The following NEBL variants were observed in gnomAD, a reference collection of about 807,000 sequenced individuals.
NEBL encodes nebulette, also known as LIM and SH3 protein 2.
NEBL carries 122 observed loss-of-function variants against 140.2 expected under a neutral mutation model. The ratio of observed to expected loss-of-function variants is 0.87; its 90% CI spans 0.75 to 1.01. NEBL has a LOEUF of 1.01. Among genes scored for constraint, NEBL ranks in the 50% least tolerant of loss-of-function variants. The probability of loss-of-function intolerance (pLI) is 0.00; values close to 1 mark genes in which losing one functional copy is unlikely to be tolerated. For missense variants in NEBL, 1,365 were observed against 1,231.3 expected (o/e 1.11, Z -1.62); for synonymous variants, 436 against 398.9 (o/e 1.09, Z -1.11).
intron 26 of NEBL, among the ~76,000 whole-genome samples, chr10:20,791,119 G>A (rs372478855): frequency 5.5e-4 from 83 of 152,282 alleles, no homozygotes; most frequent in African/African-American, 2.0e-3. Flanking sequence ...AAAATACACA[G>A]AAGTGTGACT....
At chr10:20,900,760 G>C (rs565617464), upstream of NEBL, among the ~76,000 whole-genome samples, 1 of 149,880 alleles carries the variant, frequency 6.7e-6, no homozygotes, top group African/African-American at 2.5e-5. Flanking sequence ...CAGAAGAATC[G>C]CTTGAACTTG....
rs772447017 is a variant in NEBL, at chr10:21,110,660, C to T, written c.164+61723G>A. The stretch of plus-strand genomic sequence containing the variant: ...TTATCTCCATCCATCTTCTCTCCTA[C>T]CTAAGCATATGCCACCACCCCATGG... On this transcript the variant is annotated intron_variant, in intron 2 of 6. Coordinates refer to the NEBL transcript ENST00000417816. 140 of 432,422 alleles carry T rather than the reference C, an allele frequency of 3.2e-4. 2 individuals carry two copies. Among genetic ancestry groups the T allele is most frequent in the Admixed American group, 4.4e-4 (16 of 36,572 alleles). The allele number at this position is 432,422 out of a possible 1,614,324, so 26.8% of individuals were successfully genotyped here. A position where few individuals can be genotyped will look rare whatever the true frequency, so the allele number is the denominator to read the frequency against.
chr10:20,882,512 A>G (rs1846105800), intron 4 of NEBL, among the ~76,000 whole-genome samples: 1 of 152,200 alleles, frequency 6.6e-6, no homozygotes, highest in East Asian at 1.9e-4. Context: ...TCTGTCTCAC[A>G]CCTTTTTATC....
At chr10:21,022,445 C>T (rs550681871) in intron 2 of NEBL, among the ~76,000 whole-genome samples, 9 of 152,324 alleles carry the variant, frequency 5.9e-5, no homozygotes, top group African/African-American at 1.9e-4. Flanking sequence ...TATTGTAGCT[C>T]CCACGGAGTC....
chr10:20,971,893 G>A (rs377676673), intron 3 of NEBL, among the ~76,000 whole-genome samples: 11 of 152,020 alleles, frequency 7.2e-5, no homozygotes, highest in African/African-American at 1.9e-4. Flanking sequence ...GATTACAGGC[G>A]TGAGCCACCA....
chr10:20,909,611 A>C (rs1008974680), intron 4 of NEBL, among the ~76,000 whole-genome samples: 54 of 152,232 alleles, frequency 3.5e-4, no homozygotes, highest in African/African-American at 1.3e-3. Flanking sequence ...AATTTAGAAT[A>C]TAGTAAATGC....
chr10:20,922,003 G>T (rs896846581), intron 4 of NEBL, among the ~76,000 whole-genome samples: 3 of 152,134 alleles, frequency 2.0e-5, no homozygotes, highest in Non-Finnish European at 4.4e-5. Flanking sequence ...TTTTGGAAAG[G>T]AAAATAGAGC....
intron 4 of NEBL, among the ~76,000 whole-genome samples, chr10:20,923,416 T>C (rs769991474): frequency 9.9e-5 from 15 of 151,892 alleles, no homozygotes; most frequent in South Asian, 2.1e-4. Flanking sequence ...CGGTGGCTCA[T>C]GCCTGTAATC....
At chr10:21,149,223 G>C (rs1444778756) in intron 2 of NEBL, among the ~76,000 whole-genome samples, 1 of 152,202 alleles carries the variant, frequency 6.6e-6, no homozygotes, top group Non-Finnish European at 1.5e-5. Context: ...CAGCAGGGGA[G>C]GGCAGGGAAG....
Position 20,967,357 on chromosome 10 carries a change from G to A in NEBL, c.250-5578C>T, listed in dbSNP as rs149474674. 1.2e-4 allele frequency among the ~76,000 whole-genome samples: 18 copies of A among 152,336 alleles called. No homozygotes were observed. The East Asian group carries it at 3.5e-3, about 29-fold the overall frequency. On this transcript the variant is annotated intron_variant, in intron 3 of 6. Coordinates refer to the NEBL transcript ENST00000417816. ...AAATGTAGACACAGGGCTGGGCATGGTGGCTCACGCCTGTGATCCCAGCAC... is the reference window on the plus strand; with the variant it reads ...AAATGTAGACACAGGGCTGGGCATGATGGCTCACGCCTGTGATCCCAGCAC...
At chr10:21,217,492 C>CA (rs1564544269) in intron 3 of NEBL, among the ~76,000 whole-genome samples, 5 of 128,860 alleles carry the variant, frequency 3.9e-5, no homozygotes, top group African/African-American at 1.9e-4. Flanking sequence ...GTTCTAAATA[C>CA]GACTGGCTTC....
intron 3 of NEBL, among the ~76,000 whole-genome samples, chr10:21,239,788 G>A (rs1024697038): frequency 1.3e-4 from 19 of 151,836 alleles, no homozygotes; most frequent in Non-Finnish European, 7.4e-5. Flanking sequence ...AGGTTGAGGT[G>A]GGCGGATTAC....
chr10:21,210,781 A>G (rs765180549), intron 3 of NEBL, among the ~76,000 whole-genome samples: 9 of 152,240 alleles, frequency 5.9e-5, no homozygotes, highest in Non-Finnish European at 8.8e-5. Context: ...ACATACGTTA[A>G]GATATCATAT....
At chr10:21,027,664 T>A (rs1383200479) in intron 2 of NEBL, among the ~76,000 whole-genome samples, 1 of 152,134 alleles carries the variant, frequency 6.6e-6, no homozygotes, top group Non-Finnish European at 1.5e-5. Context: ...GCAAAAGTTG[T>A]GACTTCACAT....
intron 4 of NEBL, among the ~76,000 whole-genome samples, chr10:20,954,975 G>T (rs980738602): frequency 1.4e-4 from 21 of 152,318 alleles, no homozygotes; most frequent in Middle Eastern, 3.4e-3. Flanking sequence ...CCAGGCAAAA[G>T]ATTTTACATT....
Position 20,840,783 on chromosome 10 carries a change from G to C in NEBL, c.1294C>G (p.Leu432Val), listed in dbSNP as rs1168739562. The change falls in exon 13 of 28, where the codon CTT (leucine) becomes GTT (valine). Residue 432 changes from leucine (L) to valine (V), a missense_variant. By Grantham distance (32) the Leu-to-Val change is conservative. This residue lies in a region of NEBL where 1,323 missense variants were observed against 1,154.8 expected (regional missense o/e 1.15). Transcript: ENST00000377122. ...GKGMELNSEV[L>V]DIQRAKRASE... Reference sequence around the variant, plus strand: ...GCTCGCTTTGCTCTTTGGATATCAAGAACTTCTGAATTAAGTTCCATTCCT... The same window carrying C: ...GCTCGCTTTGCTCTTTGGATATCAACAACTTCTGAATTAAGTTCCATTCCT... The C allele has an allele frequency of 6.2e-7, 1 of 1,611,736 alleles. No individual in the cohort carries two copies. Among genetic ancestry groups the C allele is most frequent in the Non-Finnish European group, 8.5e-7 (1 of 1,178,496 alleles).
intron 3 of NEBL, among the ~76,000 whole-genome samples, chr10:20,970,112 G>A (rs1162955263): frequency 1.3e-5 from 2 of 152,162 alleles, no homozygotes; most frequent in East Asian, 3.9e-4. Flanking sequence ...ACTACTGCCT[G>A]ACATCTAGTA....
chr10:21,221,635 G>T (rs1199126985), intron 3 of NEBL, among the ~76,000 whole-genome samples: 1 of 151,992 alleles, frequency 6.6e-6, no homozygotes, highest in Non-Finnish European at 1.5e-5. Context: ...CTCCTGAGTA[G>T]CTGGGACTAC....
chr10:20,899,414 C>G (rs1397891880), upstream of NEBL: 2 of 1,303,764 alleles, frequency 1.5e-6, no homozygotes, highest in South Asian at 2.5e-5. Flanking sequence ...TTCTCATTTC[C>G]CATCACGTAA....
Sources: gnomAD v4.1 joint callset for allele counts (sites outside exome capture counted in the v4.1 genomes callset) on GRCh38, gnomAD v4.1.1 for gene constraint, gnomAD v4.1.1 regional missense constraint, MANE v1.5 for transcripts, NCBI Gene and HGNC (gene_info 2026-07-23, HGNC 2026-07-21) for gene names.